SGCD: variants seen among roughly 807,000 people sequenced by gnomAD.
SGCD encodes the protein sarcoglycan delta.
In SGCD, 18 loss-of-function variants were observed where a neutral mutation model predicts 36.6. The observed-to-expected ratio is 0.49, with a 90% CI of 0.34 to 0.73. SGCD has a LOEUF of 0.73. SGCD is among the 30% of genes least tolerant of loss of function. The pLI is 0.01. For missense variants in SGCD, 387 were observed against 346.7 expected (o/e 1.12, Z -0.92); for synonymous variants, 133 against 130.6 (o/e 1.02, Z -0.12).
At chr5:156,045,470 G>A (rs1456368018) in intron 1 of SGCD, among the ~76,000 whole-genome samples, 3 of 152,178 alleles carry the variant, frequency 2.0e-5, no homozygotes, top group South Asian at 4.1e-4. Flanking sequence ...AGACTGACTT[G>A]CGTAAATCAG....
At chr5:155,993,855 G>A (rs1029857350) in intron 1 of SGCD, among the ~76,000 whole-genome samples, 1 of 152,158 alleles carries the variant, frequency 6.6e-6, no homozygotes, top group African/African-American at 2.4e-5. Flanking sequence ...TTATGACCTA[G>A]CCACAGATGT....
intron 7 of SGCD, among the ~76,000 whole-genome samples, chr5:156,724,389 G>C (rs1346603761): frequency 1.3e-5 from 2 of 152,200 alleles, no homozygotes; most frequent in African/African-American, 4.8e-5. Flanking sequence ...CAGATCACGA[G>C]GTCAGGAGAT....
intron 1 of SGCD, among the ~76,000 whole-genome samples, chr5:155,913,214 G>A (rs188296099): frequency 1.2e-4 from 19 of 152,276 alleles, no homozygotes; most frequent in Admixed American, 1.1e-3. Flanking sequence ...GATGGGTACA[G>A]ACTAGACAAA....
intron 3 of SGCD, among the ~76,000 whole-genome samples, chr5:156,318,560 C>T (rs1054602936): frequency 2.7e-4 from 41 of 151,798 alleles, no homozygotes; most frequent in African/African-American, 9.7e-4. Flanking sequence ...TTTTTTATGG[C>T]TCTCATTCCT....
intron 4 of SGCD, among the ~76,000 whole-genome samples, chr5:156,534,909 GTA>G (rs1758034857): frequency 6.6e-6 from 1 of 152,150 alleles, no homozygotes; most frequent in Admixed American, 6.6e-5. Flanking sequence ...CCTGAGAAAA[GTA>G]TCAATGGATT....
At chr5:156,526,672 G>T (rs995379217) in intron 4 of SGCD, among the ~76,000 whole-genome samples, 8 of 152,116 alleles carry the variant, frequency 5.3e-5, no homozygotes, top group African/African-American at 1.9e-4. Flanking sequence ...GAAGCCAATT[G>T]CCATTCCCCA....
intron 1 of SGCD, among the ~76,000 whole-genome samples, chr5:156,108,170 G>T (rs1411566802): frequency 6.6e-6 from 1 of 152,030 alleles, no homozygotes; most frequent in Non-Finnish European, 1.5e-5. Flanking sequence ...GAAAACCAGA[G>T]TAAACCAGGA....
chr5:156,695,483 CGATA>C (rs57748102), intron 7 of SGCD, among the ~76,000 whole-genome samples: 3,877 of 137,808 alleles, frequency 0.028, 187 homozygotes, highest in African/African-American at 0.11. Flanking sequence ...CAACCTCTCT[CGATA>C]GATAGATAGA....
chr5:156,421,319 G>T (rs529457935), intron 3 of SGCD, among the ~76,000 whole-genome samples: 1 of 152,178 alleles, frequency 6.6e-6, no homozygotes, highest in African/African-American at 2.4e-5. Context: ...TCATAATCAG[G>T]TTATGATACA....
the SGCD span, among the ~76,000 whole-genome samples, chr5:155,816,523 G>A: frequency 6.6e-6 from 1 of 152,166 alleles, no homozygotes; most frequent in African/African-American, 2.4e-5. Context: ...TCGTCTTGTT[G>A]TCTCAGGAGT....
intron 3 of SGCD, among the ~76,000 whole-genome samples, chr5:156,470,994 T>G (rs1754936935): frequency 6.6e-6 from 1 of 152,062 alleles, no homozygotes; most frequent in Non-Finnish European, 1.5e-5. Flanking sequence ...ATCTGAAGGA[T>G]TCATCTGTTC....
At chr5:155,769,330 C>G in the SGCD span, among the ~76,000 whole-genome samples, 1 of 149,588 alleles carries the variant, frequency 6.7e-6, no homozygotes, top group Admixed American at 6.7e-5. Flanking sequence ...TTTAAGCGTA[C>G]ACCTGTATTT....
chr5:156,148,041 A>G (rs572652351), intron 3 of SGCD, among the ~76,000 whole-genome samples: 22 of 152,246 alleles, frequency 1.4e-4, no homozygotes, highest in African/African-American at 5.3e-4. Context: ...ATAATCATAA[A>G]CCTTTGTTTT....
At chr5:156,496,548 T>C (rs1195287329) in intron 3 of SGCD, among the ~76,000 whole-genome samples, 1 of 152,190 alleles carries the variant, frequency 6.6e-6, no homozygotes, top group Non-Finnish European at 1.5e-5. Flanking sequence ...CAAAATGTAC[T>C]ATCTGTCTTC....
At chr5:156,676,459 C>T (rs1389493499) in intron 7 of SGCD, among the ~76,000 whole-genome samples, 1 of 152,232 alleles carries the variant, frequency 6.6e-6, no homozygotes, top group African/African-American at 2.4e-5. Flanking sequence ...TGAACAGACA[C>T]TGCGAATGAG....
chr5:156,223,655 G>A (rs1180394289), intron 3 of SGCD, among the ~76,000 whole-genome samples: 1 of 152,068 alleles, frequency 6.6e-6, no homozygotes, highest in Non-Finnish European at 1.5e-5. Context: ...AGAATGCTGT[G>A]TTTATGAGAA....
intron 1 of SGCD, among the ~76,000 whole-genome samples, chr5:155,963,836 A>G (rs535730641): frequency 9.2e-5 from 14 of 152,174 alleles, no homozygotes; most frequent in African/African-American, 2.2e-4. Flanking sequence ...TTTTTGTATT[A>G]AAAATGAACC....
chr5:156,187,486 G>C (rs568525979), intron 3 of SGCD, among the ~76,000 whole-genome samples: 3 of 140,976 alleles, frequency 2.1e-5, no homozygotes, highest in South Asian at 2.4e-4. Context: ...CCCTCTAGAG[G>C]CTTCTGGATT....
intron 7 of SGCD, among the ~76,000 whole-genome samples, chr5:156,734,376 G>A (rs1227276057): frequency 6.6e-6 from 1 of 151,798 alleles, no homozygotes; most frequent in East Asian, 1.9e-4. Context: ...ATTTTCTCAT[G>A]GAAAATCTTA....
Sources: allele counts gnomAD v4.1 joint callset (sites outside exome capture counted in the v4.1 genomes callset), GRCh38; gene constraint gnomAD v4.1.1; transcripts MANE v1.5; gene names NCBI Gene and HGNC (gene_info 2026-07-23, HGNC 2026-07-21).